Variants in PIGL observed in about 807,000 individuals in gnomAD.
PIGL encodes phosphatidylinositol glycan anchor biosynthesis class L.
In PIGL, 22 loss-of-function variants were observed where a neutral mutation model predicts 31.1. That is an observed-to-expected ratio of 0.71 (90% CI 0.51 to 1.01). The LOEUF is 1.01. Ranked by LOEUF, PIGL falls within the 50% of genes least tolerant of loss-of-function variation. PIGL has a pLI of 0.00. For synonymous variants in PIGL, 131 were observed against 117.4 expected, an observed-to-expected ratio of 1.12 and a Z score of -0.75; for missense variants, 302 against 315.9, an observed-to-expected ratio of 0.96 and a Z score of 0.33.
intron 1 of PIGL, among the ~76,000 whole-genome samples, chr17:16,228,159 C>G (rs897759499): frequency 2.0e-5 from 3 of 149,606 alleles, no homozygotes; most frequent in Non-Finnish European, 3.0e-5. Flanking sequence ...TCAAGCAATT[C>G]TCCTACCTCA....
At chr17:16,229,917 A>G (rs2092671386) in intron 1 of PIGL, among the ~76,000 whole-genome samples, 1 of 123,152 alleles carries the variant, frequency 8.1e-6, no homozygotes, top group Admixed American at 1.1e-4. Flanking sequence ...GCTGGAGTGC[A>G]GTGGCACGAT....
chr17:16,255,599 T>C (rs2092790530), intron 2 of PIGL, among the ~76,000 whole-genome samples: 1 of 152,166 alleles, frequency 6.6e-6, no homozygotes, highest in Admixed American at 6.6e-5. Flanking sequence ...GTTGGGATCA[T>C]GTTAGTAATT....
intron 2 of PIGL, among the ~76,000 whole-genome samples, chr17:16,276,319 A>G (rs534746766): frequency 2.6e-5 from 4 of 152,370 alleles, no homozygotes; most frequent in African/African-American, 7.2e-5. Context: ...ATATTGATCC[A>G]GATTTTTACA....
chr17:16,259,738 G>A (rs1049329277), intron 2 of PIGL, among the ~76,000 whole-genome samples: 1 of 152,146 alleles, frequency 6.6e-6, no homozygotes, highest in African/African-American at 2.4e-5. Context: ...GAGGGGACTG[G>A]TGGGGGAGTG....
chr17:16,298,611 T>C (rs2142832896), intron 2 of PIGL, among the ~76,000 whole-genome samples: 1 of 152,314 alleles, frequency 6.6e-6, no homozygotes, highest in East Asian at 1.9e-4. Flanking sequence ...GTCCCAGTCC[T>C]GATGGAGGGA....
chr17:16,314,409 A>G (rs1035813108), intron 4 of PIGL, among the ~76,000 whole-genome samples: 2 of 152,224 alleles, frequency 1.3e-5, no homozygotes, highest in Non-Finnish European at 2.9e-5. Flanking sequence ...ATTAAGTCCA[A>G]TCACTGGGAA....
At chr17:16,246,672 C>T (rs1158163410) in intron 2 of PIGL, among the ~76,000 whole-genome samples, 205 of 64,058 alleles carry the variant, frequency 3.2e-3, no homozygotes, top group Non-Finnish European at 4.2e-3. Context: ...AGATCAAGGT[C>T]TTTTTTTTTT....
At chr17:16,261,941 G>T (rs565044484) in intron 2 of PIGL, among the ~76,000 whole-genome samples, 4 of 151,892 alleles carry the variant, frequency 2.6e-5, no homozygotes, top group African/African-American at 9.7e-5. Flanking sequence ...TTGCCACTGT[G>T]GCCAGGCATG....
At chr17:16,301,424 C>A (rs931798829) in intron 3 of PIGL, among the ~76,000 whole-genome samples, 2 of 151,740 alleles carry the variant, frequency 1.3e-5, no homozygotes, top group African/African-American at 4.8e-5. Context: ...GCCACCACGC[C>A]AGGCTAATTT....
chr17:16,238,468 C>T (rs2092709013), intron 2 of PIGL, among the ~76,000 whole-genome samples: 1 of 131,784 alleles, frequency 7.6e-6, no homozygotes, highest in African/African-American at 2.9e-5. Context: ...CGGGGTCTTG[C>T]TCTGTCACCC....
intron 2 of PIGL, among the ~76,000 whole-genome samples, chr17:16,286,820 G>C (rs1236253617): frequency 6.6e-6 from 1 of 152,144 alleles, no homozygotes; most frequent in African/African-American, 2.4e-5. Context: ...TGCCTCATGT[G>C]CTTCAATAGC....
intron 2 of PIGL, among the ~76,000 whole-genome samples, chr17:16,290,900 G>A (rs1261123318): frequency 6.6e-6 from 1 of 151,938 alleles, no homozygotes; most frequent in East Asian, 1.9e-4. Flanking sequence ...GGCTGGTCTT[G>A]AACTCCTGTG....
chr17:16,245,843 G>A (rs1047002756), intron 2 of PIGL, among the ~76,000 whole-genome samples: 16 of 140,070 alleles, frequency 1.1e-4, no homozygotes, highest in African/African-American at 3.3e-4. Flanking sequence ...ACGGAGTCTC[G>A]GAGTCTCCCT....
chr17:16,270,170 T>G (rs1275407862), intron 2 of PIGL, among the ~76,000 whole-genome samples: 1 of 151,764 alleles, frequency 6.6e-6, no homozygotes, highest in East Asian at 1.9e-4. Flanking sequence ...GCACCTGTAA[T>G]CCCAGCTACT....
intron 1 of PIGL, among the ~76,000 whole-genome samples, chr17:16,219,854 C>T (rs960129005): frequency 6.6e-5 from 10 of 152,036 alleles, no homozygotes; most frequent in African/African-American, 2.4e-4. Context: ...TGAGCCACCA[C>T]ACCCGGCTGG....
intron 2 of PIGL, among the ~76,000 whole-genome samples, chr17:16,243,445 A>G (rs2092731390): frequency 6.6e-6 from 1 of 152,224 alleles, no homozygotes; most frequent in Non-Finnish European, 1.5e-5. Flanking sequence ...GTATGCTACA[A>G]AGAGATGAAG....
chr17:16,287,078 C>T lies in PIGL; in HGVS notation c.336-12810C>T, dbSNP rs73287447. ...GTACAATGATTTCATTCTCTCGGAG[C>T]CCCGCTCTGGTGGTGTGGGTCCCTG... On this transcript the variant is annotated intron_variant, in intron 2 of 6. Transcript: ENST00000225609. 3.2e-3 allele frequency among the ~76,000 whole-genome samples: 482 copies of T among 152,348 alleles called. 1 individual carries two copies. The highest frequency in any genetic ancestry group is 0.011 in the African/African-American group (466 of 41,586).
At chr17:16,263,103 G>T (rs1028470340) in intron 2 of PIGL, among the ~76,000 whole-genome samples, 2 of 148,496 alleles carry the variant, frequency 1.3e-5, no homozygotes, top group African/African-American at 2.5e-5. Context: ...TGGGGGGGGG[G>T]GATGAAAATG....
chr17:16,249,175 A>G (rs1245142231), intron 2 of PIGL, among the ~76,000 whole-genome samples: 1 of 152,172 alleles, frequency 6.6e-6, no homozygotes, highest in Non-Finnish European at 1.5e-5. Flanking sequence ...CAATTTATAC[A>G]TTTAAAATGT....
Sources: gnomAD v4.1 joint callset for allele counts (sites outside exome capture counted in the v4.1 genomes callset) on GRCh38, gnomAD v4.1.1 for gene constraint, MANE v1.5 for transcripts, NCBI Gene and HGNC (gene_info 2026-07-23, HGNC 2026-07-21) for gene names.